Variants in AKAP14 observed in about 807,000 individuals in gnomAD.
AKAP14 encodes the protein A-kinase anchor protein 14.
Under a neutral mutation model 17.0 loss-of-function variants are expected in AKAP14, and 4 were observed. The ratio of observed to expected loss-of-function variants is 0.23; its 90% CI spans 0.12 to 0.54. The LOEUF is 0.54. Ranked by LOEUF, AKAP14 falls within the 20% of genes least tolerant of loss-of-function variation. The pLI, the probability that AKAP14 is intolerant of heterozygous loss-of-function variation, is 0.95. For synonymous variants in AKAP14, 42 were observed against 51.3 expected, an observed-to-expected ratio of 0.82 and a Z score of 0.77; for missense variants, 129 against 150.9, an observed-to-expected ratio of 0.85 and a Z score of 0.76.
chrX:119,907,999 G>A (rs1244549506), intron 4 of AKAP14, among the ~76,000 whole-genome samples: 2 of 111,736 alleles, frequency 1.8e-5, no homozygotes, highest in African/African-American at 6.5e-5. Flanking sequence ...CAGAAGGCTG[G>A]TACAGGCTGG....
At chrX:119,912,240 G>A (rs2056631737) in intron 4 of AKAP14, among the ~76,000 whole-genome samples, 1 of 110,410 alleles carries the variant, frequency 9.1e-6, no homozygotes, top group Non-Finnish European at 1.9e-5. Flanking sequence ...CCCGGCCCAC[G>A]GGAGGTTTTT....
intron 2 of AKAP14, among the ~76,000 whole-genome samples, chrX:119,902,881 G>C (rs2056574907): frequency 9.0e-6 from 1 of 111,248 alleles, no homozygotes; most frequent in African/African-American, 3.3e-5. Flanking sequence ...AGTAGAGACG[G>C]GGTTTCACCA....
At chrX:119,899,228 C>G (rs2428235) in intron 2 of AKAP14, among the ~76,000 whole-genome samples, 51,440 of 104,065 alleles carry the variant, frequency 0.49, 11,006 homozygotes, top group African/African-American at 0.73. Flanking sequence ...TGCTCTTTCT[C>G]AATCTTGGAG....
At chrX:119,919,675 G>T in intron 5 of AKAP14, 1 of 293,970 alleles carries the variant, frequency 3.4e-6, no homozygotes, top group Non-Finnish European at 6.0e-6. Context: ...GTAAAACTCC[G>T]TCTCTACTAA....
intron 4 of AKAP14, among the ~76,000 whole-genome samples, chrX:119,908,424 A>T (rs767543668): frequency 4.5e-5 from 5 of 111,551 alleles, no homozygotes; most frequent in Non-Finnish European, 9.4e-5. Context: ...TGGGTTCCTT[A>T]TAAAAGAAAA....
chrX:119,903,484 T>G lies in AKAP14; in HGVS notation c.170-11T>G, dbSNP rs776282177. 708 of 1,210,264 alleles carry G rather than the reference T, an allele frequency of 5.8e-4. 5 individuals are homozygous for G. In the South Asian group the frequency reaches 0.012, roughly 20 times the overall value. The stretch of plus-strand genomic sequence containing the variant: ...CCTGGCAACTAACGAACTCACACCT[T>G]TTTTTTGCAGAGGAGCGAAACCCTT... On this transcript the variant is annotated splice_polypyrimidine_tract_variant and intron_variant, in intron 3 of 6. Transcript: ENST00000371431.
At chrX:119,899,166 CAAAAA>C (rs56354303) in intron 2 of AKAP14, among the ~76,000 whole-genome samples, 3 of 49,861 alleles carry the variant, frequency 6.0e-5, no homozygotes, top group Non-Finnish European at 3.6e-5. Context: ...GACTCTGTCT[CAAAAA>C]AAAAAAAAAA....
intron 2 of AKAP14, among the ~76,000 whole-genome samples, chrX:119,898,020 T>C (rs2056540960): frequency 1.8e-5 from 2 of 112,390 alleles, no homozygotes; most frequent in South Asian, 7.3e-4. Context: ...AATACTTTTG[T>C]ATTTTGTATT....
intron 5 of AKAP14, among the ~76,000 whole-genome samples, chrX:119,919,561 T>C (rs1041762154): frequency 1.8e-5 from 2 of 112,459 alleles, no homozygotes; most frequent in Non-Finnish European, 3.8e-5. Context: ...GTTTGTACGA[T>C]TGGGCTGGGC....
chrX:119,913,354 C>T (rs2056639168), intron 4 of AKAP14, among the ~76,000 whole-genome samples: 1 of 111,876 alleles, frequency 8.9e-6, no homozygotes, highest in African/African-American at 3.2e-5. Flanking sequence ...TCCAGTCACA[C>T]ATTTAGGTCT....
At chrX:119,900,053 C>T (rs775680677) in intron 2 of AKAP14, among the ~76,000 whole-genome samples, 1 of 110,688 alleles carries the variant, frequency 9.0e-6, no homozygotes, top group Non-Finnish European at 1.9e-5. Context: ...CTCAGCCTCA[C>T]GAGTAGCTGG....
intron 2 of AKAP14, among the ~76,000 whole-genome samples, chrX:119,901,705 C>CAAA (rs111456671): frequency 2.6e-5 from 2 of 78,003 alleles, no homozygotes; most frequent in African/African-American, 9.4e-5. Context: ...AACTTTGTCT[C>CAAA]AAAAAAAAAA....
chrX:119,914,990 C>T (rs905280873), intron 5 of AKAP14, 112 bp downstream of exon 5: 6 of 791,874 alleles, frequency 7.6e-6, no homozygotes, highest in Admixed American at 3.0e-5. Flanking sequence ...TACTTCTGTC[C>T]TCATCTTACT....
chrX:119,897,367 G>C (rs368261021), intron 2 of AKAP14, among the ~76,000 whole-genome samples: 1 of 108,182 alleles, frequency 9.2e-6, no homozygotes, highest in Non-Finnish European at 1.9e-5. Flanking sequence ...CACTGTGTTA[G>C]CCAGGATGGT....
chrX:119,896,440 ACAAGGGAGAGGGAGGGG>A (rs1569468177), intron 2 of AKAP14, among the ~76,000 whole-genome samples, 173 bp downstream of exon 2: 10 of 53,845 alleles, frequency 1.9e-4, no homozygotes, highest in African/African-American at 8.5e-4. Context: ...GGAGGGGAGG[ACAAGGGAGAGGGAGGGG>A]GAGGGGAGGG....
chrX:119,913,066 T>C (rs776784922), intron 4 of AKAP14, among the ~76,000 whole-genome samples: 30 of 107,871 alleles, frequency 2.8e-4, no homozygotes, highest in Admixed American at 2.7e-3. Context: ...GGCAGGCGGA[T>C]TGCTCGAGCC....
In AKAP14 at chrX:119,916,942, C is replaced by T. The variant is rs185874078; in HGVS notation, c.441+2064C>T. ...CCAACATGGTGAAACCCCATCTCTA[C>T]TAAAAATACAAAAATTAGCTGGGCA... On this transcript the variant is annotated intron_variant, in intron 5 of 6. Transcript: ENST00000371431. Among the ~76,000 whole-genome samples, 25 of 102,313 alleles carry T rather than the reference C, an allele frequency of 2.4e-4. No homozygotes were observed. In the East Asian group the frequency reaches 3.2e-3, roughly 13 times the overall value. The allele number at this position is 102,313 out of a possible 115,157, so 88.8% of individuals were successfully genotyped here. A position where few individuals can be genotyped will look rare whatever the true frequency, so the allele number is the denominator to read the frequency against.
At chrX:119,920,175 C>T (rs2056681082) in intron 6 of AKAP14, among the ~76,000 whole-genome samples, 1 of 111,505 alleles carries the variant, frequency 9.0e-6, no homozygotes, top group Non-Finnish European at 1.9e-5. Context: ...GGATTAGTTG[C>T]TGGAGTGGGG....
chrX:119,914,244 A>C, intron 4 of AKAP14, among the ~76,000 whole-genome samples: 1 of 109,805 alleles, frequency 9.1e-6, no homozygotes, highest in Non-Finnish European at 1.9e-5. Context: ...TCTCAAAAAA[A>C]AAAAAAAAAA....
Sources: allele counts gnomAD v4.1 joint callset (sites outside exome capture counted in the v4.1 genomes callset), GRCh38; gene constraint gnomAD v4.1.1; transcripts MANE v1.5; gene names NCBI Gene and HGNC (gene_info 2026-07-23, HGNC 2026-07-21).